C11orf65: variants seen among roughly 807,000 people sequenced by gnomAD.
The protein encoded by C11orf65 is chromosome 11 open reading frame 65, also known as protein MFI.
A neutral mutation model predicts 35.3 loss-of-function variants in C11orf65; 38 were observed. That is an observed-to-expected ratio of 1.08 (90% CI 0.83 to 1.41). C11orf65 has a LOEUF of 1.41. Ranked by LOEUF, C11orf65 falls within the 40% of genes most tolerant of loss-of-function variation. The pLI is 0.00. For missense variants in C11orf65, 370 were observed against 367.1 expected, an observed-to-expected ratio of 1.01 and a Z score of -0.06; for synonymous variants, 105 against 114.4, an observed-to-expected ratio of 0.92 and a Z score of 0.53.
chr11:108,397,664 C>A (rs1176279891), intron 6 of C11orf65, among the ~76,000 whole-genome samples: 1 of 152,084 alleles, frequency 6.6e-6, no homozygotes, highest in East Asian at 1.9e-4. Flanking sequence ...CAGCAACAGT[C>A]AGAATGAAGA....
chr11:108,411,296 A>T (rs1055653270), intron 3 of C11orf65, among the ~76,000 whole-genome samples: 1 of 152,122 alleles, frequency 6.6e-6, no homozygotes, highest in Non-Finnish European at 1.5e-5. Context: ...TATTCTCATT[A>T]ATTTTTAGTT....
intron 2 of C11orf65, among the ~76,000 whole-genome samples, chr11:108,339,899 G>A (rs1030964260): frequency 6.6e-6 from 1 of 152,084 alleles, no homozygotes; most frequent in African/African-American, 2.4e-5. Context: ...TACTTATTAG[G>A]CAGGAAGGGA....
intron 7 of C11orf65, among the ~76,000 whole-genome samples, chr11:108,390,304 G>A (rs1233933885): frequency 6.6e-6 from 1 of 152,108 alleles, no homozygotes; most frequent in African/African-American, 2.4e-5. Context: ...GATTACAGGC[G>A]TAAGCCACCA....
chr11:108,381,761 T>C (rs1242005108), downstream of C11orf65, among the ~76,000 whole-genome samples: 4 of 152,240 alleles, frequency 2.6e-5, no homozygotes, highest in Non-Finnish European at 4.4e-5. Context: ...TTTGTGTTGA[T>C]TTTAAATGTA....
chr11:108,450,227 A>G lies in C11orf65; in HGVS notation c.81+11252T>C, dbSNP rs1019025216. 2.6e-5 allele frequency among the ~76,000 whole-genome samples: 4 copies of G among 151,994 alleles called. 1 individual carries two copies. Among genetic ancestry groups the G allele is most frequent in the Admixed American group, 2.6e-4 (4 of 15,262 alleles). On this transcript the variant is annotated intron_variant, in intron 2 of 8. Transcript: ENST00000393084. ...AACCATTGTGGAAGTCAGCACGGCA[A>G]TTCCTCAGGGATCTAGAACTAGAAA...
rs528064384 is a variant in C11orf65, at chr11:108,420,605, C to T, written c.174+11141G>A. 5.5e-4 allele frequency among the ~76,000 whole-genome samples: 83 copies of T among 152,234 alleles called. 4 individuals are homozygous for T. In the South Asian group the frequency reaches 0.017, roughly 31 times the overall value. Reference sequence around the variant, plus strand: ...CTGGAGGCTGTCTGTGGACTGCAGTCCCTGAGATTGGGTAGTAAATCCTTC... The same window carrying T: ...CTGGAGGCTGTCTGTGGACTGCAGTTCCTGAGATTGGGTAGTAAATCCTTC... On this transcript the variant is annotated intron_variant, in intron 3 of 8. Transcript: ENST00000393084.
chr11:108,427,933 C>T (rs1378079131), intron 3 of C11orf65, among the ~76,000 whole-genome samples: 2 of 136,564 alleles, frequency 1.5e-5, no homozygotes, highest in South Asian at 2.5e-4. Context: ...CGGGTTCACG[C>T]CATTCTCCTG....
chr11:108,359,928 G>T (rs1332590502), intron 2 of C11orf65, among the ~76,000 whole-genome samples: 1 of 151,976 alleles, frequency 6.6e-6, no homozygotes, highest in African/African-American at 2.4e-5. Flanking sequence ...TTAGCAGAAG[G>T]CAAGAAATAA....
Position 108,405,530 on chromosome 11 carries a change from C to T in C11orf65, c.459G>A (p.Val153=). 1.2e-6 allele frequency: 2 copies of T among 1,613,148 alleles called. No homozygotes were observed. Among genetic ancestry groups the T allele is most frequent in the East Asian group, 4.5e-5 (2 of 44,838 alleles). ...TFWLSTDGMV[V]EDKKESEFHF... is the part of the protein sequence containing the mutation. ...GGAATTCACTTTCCTTTTTGTCTTC[C>T]ACCACCATACCATCAGTAGATAGCC... The change falls in exon 6 of 9, where the codon GTG becomes GTA. Residue 153 remains valine (V), a synonymous_variant. Transcript: ENST00000393084.
At chr11:108,308,889 A>G (rs769322955) in exon 7 of C11orf65, 8 of 789,370 alleles carry the variant, frequency 1.0e-5, no homozygotes, top group Middle Eastern at 4.5e-4. Context: ...GAGGAGGCCT[A>G]TCAGAAGCTT....
At chr11:108,406,334 G>A (rs553657851) in intron 5 of C11orf65, among the ~76,000 whole-genome samples, 1 of 152,194 alleles carries the variant, frequency 6.6e-6, no homozygotes, top group Non-Finnish European at 1.5e-5. Flanking sequence ...GTTGTTGTTA[G>A]TTTGTTTTTT....
At chr11:108,328,383 A>C (rs1238709101), downstream of C11orf65, among the ~76,000 whole-genome samples, 2 of 152,142 alleles carry the variant, frequency 1.3e-5, no homozygotes. Context: ...AGTAGCTGGG[A>C]CTACAGGAGT....
intron 8 of C11orf65, among the ~76,000 whole-genome samples, chr11:108,384,803 A>G (rs1164114927): frequency 2.6e-5 from 4 of 152,030 alleles, no homozygotes; most frequent in Non-Finnish European, 4.4e-5. Flanking sequence ...ACAAACAAAC[A>G]AACAACTCCA....
At chr11:108,445,356 A>G (rs1307564895) in intron 2 of C11orf65, among the ~76,000 whole-genome samples, 1 of 152,180 alleles carries the variant, frequency 6.6e-6, no homozygotes, top group East Asian at 1.9e-4. Context: ...GGCACCCCCC[A>G]GTAAGGGCAG....
At chr11:108,457,822 T>C (rs2093425798) in intron 2 of C11orf65, among the ~76,000 whole-genome samples, 1 of 152,220 alleles carries the variant, frequency 6.6e-6, no homozygotes, top group South Asian at 2.1e-4. Context: ...ACTATAACTA[T>C]GCAAATAATT....
chr11:108,447,385 T>C (rs1328159422), intron 2 of C11orf65, among the ~76,000 whole-genome samples: 1 of 152,044 alleles, frequency 6.6e-6, no homozygotes, highest in Non-Finnish European at 1.5e-5. Context: ...TAGTTGGAAG[T>C]AAAGCTCTCC....
chr11:108,374,108 C>T (rs1351179114), intron 2 of C11orf65, among the ~76,000 whole-genome samples: 1 of 152,152 alleles, frequency 6.6e-6, no homozygotes, highest in Non-Finnish European at 1.5e-5. Flanking sequence ...CTTAAATGTC[C>T]CTGTCTGACA....
chr11:108,378,279 A>G (rs1357907929), downstream of C11orf65, among the ~76,000 whole-genome samples: 3 of 148,728 alleles, frequency 2.0e-5, no homozygotes, highest in Non-Finnish European at 4.5e-5. Context: ...GTACCAAAAC[A>G]GAGATATAGA....
chr11:108,405,664 T>C (rs2092527928), intron 5 of C11orf65, 105 bp from the exon 6 acceptor site: 2 of 1,149,032 alleles, frequency 1.7e-6, no homozygotes, highest in African/African-American at 1.6e-5. Flanking sequence ...TATGGCAAGA[T>C]AGAAACAGAG....
Sources: gnomAD v4.1 joint callset for allele counts (sites outside exome capture counted in the v4.1 genomes callset) on GRCh38, gnomAD v4.1.1 for gene constraint, MANE v1.5 for transcripts, NCBI Gene and HGNC (gene_info 2026-07-23, HGNC 2026-07-21) for gene names.